PRKAG2: variants seen among roughly 807,000 people sequenced by gnomAD.
PRKAG2 encodes protein kinase AMP-activated non-catalytic subunit gamma 2.
Under a neutral mutation model 69.6 loss-of-function variants are expected in PRKAG2, and 26 were observed. The ratio of observed to expected loss-of-function variants is 0.37; its 90% CI spans 0.27 to 0.52. The LOEUF is 0.52. PRKAG2 is among the 20% of genes least tolerant of loss of function. The probability of loss-of-function intolerance (pLI) is 0.90; values close to 1 mark genes in which losing one functional copy is unlikely to be tolerated. For synonymous variants in PRKAG2, 293 were observed against 285.0 expected (o/e 1.03, Z -0.28); for missense variants, 557 against 740.0 (o/e 0.75, Z 2.87).
intron 3 of PRKAG2, among the ~76,000 whole-genome samples, chr7:151,696,021 G>T (rs755912557): frequency 6.6e-6 from 1 of 152,168 alleles, no homozygotes; most frequent in African/African-American, 2.4e-5. Flanking sequence ...GCCTGATGCC[G>T]GCATAAGGTT....
At chr7:151,626,831 CACG>C (rs1037015454) in intron 5 of PRKAG2, among the ~76,000 whole-genome samples, 1 of 149,240 alleles carries the variant, frequency 6.7e-6, no homozygotes, top group African/African-American at 2.6e-5. Context: ...GTCCTACCCC[CACG>C]ACATTTTAAT....
At chr7:151,804,552 C>T (rs1308656456) in intron 1 of PRKAG2, among the ~76,000 whole-genome samples, 1 of 152,116 alleles carries the variant, frequency 6.6e-6, no homozygotes, top group African/African-American at 2.4e-5. Flanking sequence ...GGTGGGGACA[C>T]GGATGTCACC....
chr7:151,862,727 G>A (rs911053509), intron 1 of PRKAG2, among the ~76,000 whole-genome samples: 3 of 152,242 alleles, frequency 2.0e-5, no homozygotes, highest in Non-Finnish European at 4.4e-5. Flanking sequence ...CGTGGATGCC[G>A]TGGTGTGGCT....
chr7:151,647,952 T>C (rs1034392017), intron 4 of PRKAG2, among the ~76,000 whole-genome samples: 1 of 151,782 alleles, frequency 6.6e-6, no homozygotes, highest in African/African-American at 2.4e-5. Flanking sequence ...AGGAAGTAAA[T>C]AGGAAAGAGA....
intron 3 of PRKAG2, among the ~76,000 whole-genome samples, chr7:151,694,586 T>C (rs963734292): frequency 1.3e-5 from 2 of 152,198 alleles, no homozygotes; most frequent in African/African-American, 4.8e-5. Context: ...CTCAGCACAA[T>C]GCCCTCAAGG....
chr7:151,557,068 A>G lies in PRKAG2; in HGVS notation c.*133T>C. Reference sequence around the variant, plus strand: ...TTTCTTTTTTAAGCTTAATTTCAACATCACTGGAAGAAATACCTATTGTTA... The same window carrying G: ...TTTCTTTTTTAAGCTTAATTTCAACGTCACTGGAAGAAATACCTATTGTTA... On this transcript the variant is annotated 3_prime_UTR_variant, in exon 16 of 16. Transcript: ENST00000287878. The G allele has an allele frequency of 7.0e-7, 1 of 1,428,820 alleles. No homozygotes were observed. The highest frequency in any genetic ancestry group is 9.8e-7 in the Non-Finnish European group (1 of 1,021,522). The allele number at this position is 1,428,820 out of a possible 1,614,324, so 88.5% of individuals were successfully genotyped here.
chr7:151,609,621 C>A (rs55668852), intron 5 of PRKAG2, among the ~76,000 whole-genome samples: 9,393 of 152,172 alleles, frequency 0.062, 949 homozygotes, highest in African/African-American at 0.21. Context: ...CTGATACTGG[C>A]AACACCCACA....
Position 151,876,570 on chromosome 7 carries a change from G to T in PRKAG2, c.51C>A (p.Pro17=). The T allele has an allele frequency of 6.2e-7, 1 of 1,610,450 alleles. No individual in the cohort carries two copies. Residue 17 remains proline (P), a synonymous_variant, in exon 1 of 16, where the codon CCC becomes CCA. Transcript: ENST00000287878. ...CATTTTTCTTGCCGCCGCTCCCGCC[G>T]GGGCTGGAAACATCTTTTTTCTTCT... ...DTKKKKDVSS[P]GGSGGKKNAS... is the part of the protein sequence containing the mutation.
chr7:151,801,564 C>T (rs766862095), intron 1 of PRKAG2, among the ~76,000 whole-genome samples: 1 of 152,214 alleles, frequency 6.6e-6, no homozygotes, highest in Non-Finnish European at 1.5e-5. Context: ...GGGGAGACTA[C>T]GTGGTGCAGA....
chr7:151,641,675 C>A (rs1319024860), intron 4 of PRKAG2, among the ~76,000 whole-genome samples: 1 of 151,104 alleles, frequency 6.6e-6, no homozygotes, highest in Non-Finnish European at 1.5e-5. Flanking sequence ...CTCCCAAGTA[C>A]CTGGGAGTGC....
At chr7:151,745,254 C>T (rs971424032) in intron 3 of PRKAG2, among the ~76,000 whole-genome samples, 5 of 152,312 alleles carry the variant, frequency 3.3e-5, no homozygotes, top group East Asian at 1.9e-4. Context: ...CAAGAGGGCA[C>T]GGGTCCCCTC....
At chr7:151,594,851 T>C (rs1814076661) in intron 6 of PRKAG2, among the ~76,000 whole-genome samples, 1 of 151,970 alleles carries the variant, frequency 6.6e-6, no homozygotes, top group Non-Finnish European at 1.5e-5. Context: ...CAAGCTGGAG[T>C]GCAGTGGCAC....
chr7:151,564,048 G>C (rs201131868), intron 14 of PRKAG2, 30 bp downstream of exon 14: 1 of 1,613,322 alleles, frequency 6.2e-7, no homozygotes, highest in Non-Finnish European at 8.5e-7. Context: ...AGTGGACGTC[G>C]GGGGAGCAGG....
chr7:151,576,105 A>G, intron 7 of PRKAG2: 1 of 448,504 alleles, frequency 2.2e-6, no homozygotes, highest in Non-Finnish European at 4.1e-6. Context: ...CTGAGTAGCT[A>G]ATTTTTGCAT....
At chr7:151,831,042 A>G (rs1236703452) in intron 1 of PRKAG2, among the ~76,000 whole-genome samples, 1 of 152,090 alleles carries the variant, frequency 6.6e-6, no homozygotes, top group African/African-American at 2.4e-5. Context: ...ACCACTTCAC[A>G]CCCACTAGGA....
Position 151,807,118 on chromosome 7 carries a change from AG to A in PRKAG2, c.115-20578del, listed in dbSNP as rs2078150887. The stretch of plus-strand genomic sequence containing the variant: ...GTAAAGGGTCAGAGGGACCTTGTGG[AG>A]TGGTGGAAATGTTCCAGATCACACT... On this transcript the variant is annotated intron_variant, in intron 1 of 15. Coordinates refer to ENST00000287878, the MANE Select transcript of PRKAG2 (RefSeq NM_016203.4). This position sits in a 1 kb window ranked among gnomAD's most constrained non-coding sequence, Gnocchi z 4.4. 1 of 382,692 alleles carries A rather than the reference AG, an allele frequency of 2.6e-6. No homozygotes were observed. Among genetic ancestry groups the A allele is most frequent in the South Asian group, 2.0e-5 (1 of 50,224 alleles). The allele number at this position is 382,692 out of a possible 1,614,324, so 23.7% of individuals were successfully genotyped here.
chr7:151,688,497 G>A (rs757466800), intron 3 of PRKAG2, among the ~76,000 whole-genome samples: 1 of 152,112 alleles, frequency 6.6e-6, no homozygotes, highest in Non-Finnish European at 1.5e-5. Context: ...CAGTGGCTGC[G>A]AGGCCCTGGA....
In PRKAG2 at chr7:151,603,635, G is replaced by A. The variant is rs532125895; in HGVS notation, c.755-8181C>T. ...GTCCTCACCGCACACGGAGGGACCC[G>A]CTCCGTCCTCATCATCATACTGAGG... On this transcript the variant is annotated intron_variant, in intron 5 of 15. Transcript: ENST00000287878. Among the ~76,000 whole-genome samples, 80 of 152,014 alleles carry A rather than the reference G, an allele frequency of 5.3e-4. 10 individuals carry two copies. The highest frequency in any genetic ancestry group is 1.6e-3 in the African/African-American group (68 of 41,424).
intron 3 of PRKAG2, among the ~76,000 whole-genome samples, chr7:151,721,370 G>A (rs1259575664): frequency 7.2e-6 from 1 of 138,796 alleles, no homozygotes; most frequent in African/African-American, 2.6e-5. Flanking sequence ...GGAAAGGGCT[G>A]AAGACAGGGC....
Sources: allele counts gnomAD v4.1 joint callset (sites outside exome capture counted in the v4.1 genomes callset), GRCh38; gene constraint gnomAD v4.1.1; non-coding constraint Gnocchi (gnomAD v3.1); transcripts MANE v1.5; gene names NCBI Gene and HGNC (gene_info 2026-07-23, HGNC 2026-07-21).